The following NRG4 variants were observed in gnomAD, a reference collection of about 807,000 sequenced individuals.
NRG4 encodes the protein pro-neuregulin-4, membrane-bound isoform.
In NRG4, 10 loss-of-function variants were observed where a neutral mutation model predicts 15.0. The ratio of observed to expected loss-of-function variants is 0.67; its 90% confidence interval spans 0.41 to 1.13. The LOEUF is 1.13. Among genes scored for constraint, NRG4 ranks in the 50% most tolerant of loss-of-function variants. The probability of loss-of-function intolerance (pLI) is 0.00; values close to 1 mark genes in which losing one functional copy is unlikely to be tolerated. For synonymous variants in NRG4, 41 were observed against 50.1 expected (o/e 0.82, Z 0.77); for missense variants, 139 against 140.2 (o/e 0.99, Z 0.04).
intron 3 of NRG4, among the ~76,000 whole-genome samples, chr15:75,970,939 A>C (rs1172102071): frequency 6.6e-6 from 1 of 152,252 alleles, no homozygotes; most frequent in African/African-American, 2.4e-5. Flanking sequence ...TGAAGCAGAC[A>C]ATAGAAAAAG....
chr15:75,937,325 C>T (rs2030446962), downstream of NRG4: 2 of 144,816 alleles, frequency 1.4e-5, no homozygotes, highest in African/African-American at 5.1e-5. Context: ...CTGGCTAACA[C>T]AGTGAAACCC....
chr15:75,935,710 G>T (rs865856311), downstream of NRG4: 2 of 151,592 alleles, frequency 1.3e-5, no homozygotes, highest in Non-Finnish European at 1.5e-5. Flanking sequence ...AGCAAAAGAC[G>T]TGCAACTGGT....
intron 5 of NRG4, among the ~76,000 whole-genome samples, chr15:76,023,471 A>G (rs2035221482): frequency 6.6e-6 from 1 of 152,168 alleles, no homozygotes; most frequent in Non-Finnish European, 1.5e-5. Context: ...AGTCCTTACT[A>G]CAGGTGAATC....
At chr15:76,050,696 G>A (rs2035983128) in intron 4 of NRG4, among the ~76,000 whole-genome samples, 1 of 142,690 alleles carries the variant, frequency 7.0e-6, no homozygotes. Flanking sequence ...TGCCCGCCTT[G>A]GCCTCCCAAA....
chr15:75,979,258 GT>G (rs1202763365), intron 3 of NRG4, among the ~76,000 whole-genome samples: 1 of 151,958 alleles, frequency 6.6e-6, no homozygotes, highest in African/African-American at 2.4e-5. Context: ...ATAGTTTCAG[GT>G]TTTATATTTA....
At chr15:76,004,935 C>G (rs1312557457) in intron 3 of NRG4, among the ~76,000 whole-genome samples, 1 of 152,122 alleles carries the variant, frequency 6.6e-6, no homozygotes, top group Non-Finnish European at 1.5e-5. Flanking sequence ...TTTTGACTCC[C>G]TCAAAACTTA....
chr15:75,951,166 T>TTC (rs1377530548), intron 5 of NRG4: 4 of 128,264 alleles, frequency 3.1e-5, no homozygotes, highest in South Asian at 3.0e-4. Context: ...CTTTTTTCTT[T>TTC]TTTTTTTTTT....
chr15:76,018,846 C>T (rs1453250444), intron 5 of NRG4, among the ~76,000 whole-genome samples: 2 of 152,186 alleles, frequency 1.3e-5, no homozygotes, highest in South Asian at 4.1e-4. Flanking sequence ...CTTAGCAGAG[C>T]TCGGATGCTG....
At chr15:75,991,650 T>A (rs1364529942) in intron 3 of NRG4, among the ~76,000 whole-genome samples, 1 of 151,806 alleles carries the variant, frequency 6.6e-6, no homozygotes, top group Admixed American at 6.6e-5. Flanking sequence ...TTTGGTCTAA[T>A]TGGTCTATGA....
intron 3 of NRG4, among the ~76,000 whole-genome samples, chr15:75,976,806 G>A (rs2033385218): frequency 6.6e-6 from 1 of 152,168 alleles, no homozygotes; most frequent in African/African-American, 2.4e-5. Flanking sequence ...AGGCATGGGG[G>A]TCAGGGACCC....
At chr15:76,028,627 T>TG (rs2035380088) in intron 5 of NRG4, among the ~76,000 whole-genome samples, 1 of 150,356 alleles carries the variant, frequency 6.7e-6, no homozygotes, top group Non-Finnish European at 1.5e-5. Context: ...CAGCTGGGTG[T>TG]GGTGGCTCAC....
intron 5 of NRG4, among the ~76,000 whole-genome samples, 182 bp from the exon 6 acceptor site, chr15:75,943,836 C>T (rs2031249621): frequency 6.6e-6 from 1 of 152,096 alleles, no homozygotes; most frequent in African/African-American, 2.4e-5. Context: ...GACAAGACTC[C>T]TCAGAACACT....
chr15:75,974,098 G>T (rs1292691503), intron 3 of NRG4, among the ~76,000 whole-genome samples: 3 of 152,124 alleles, frequency 2.0e-5, no homozygotes, highest in African/African-American at 7.2e-5. Context: ...AGTGTTGGGA[G>T]GGGGTATGTG....
At chr15:75,950,540 C>T (rs1007288331) in intron 5 of NRG4, 3 of 240,190 alleles carry the variant, frequency 1.2e-5, no homozygotes, top group Non-Finnish European at 2.8e-5. Flanking sequence ...TCCAGGTCAT[C>T]CATTTACTGG....
intron 2 of NRG4, among the ~76,000 whole-genome samples, chr15:76,054,668 T>G (rs1039841423): frequency 3.9e-5 from 6 of 152,200 alleles, no homozygotes; most frequent in African/African-American, 1.4e-4. Flanking sequence ...GGATCATTTT[T>G]TTATTACCTC....
chr15:75,941,958 A>AC lies in NRG4; in HGVS notation c.*1679_*1680insG, dbSNP rs2031022484. The AC allele has an allele frequency of 3.8e-5, 5 of 130,788 alleles. No individual in the cohort carries two copies. The highest frequency in any genetic ancestry group is 8.0e-5 in the Non-Finnish European group (5 of 62,326). 8.1% of individuals were successfully genotyped at this position (130,788 alleles called of 1,614,324 possible). On this transcript the variant is annotated 3_prime_UTR_variant, in exon 6 of 6. Coordinates refer to ENST00000394907, the MANE Select transcript of NRG4 (RefSeq NM_138573.4). ...AAACCACCAAAAAAAAAAAAAAAAA[A>AC]AAATATGGCCTAGCTTTTTTTTTTT...
chr15:76,008,377 T>C (rs2034686047), intron 3 of NRG4, among the ~76,000 whole-genome samples: 1 of 152,330 alleles, frequency 6.6e-6, no homozygotes, highest in East Asian at 1.9e-4. Context: ...ACTTTTCCTA[T>C]GGATTTTACT....
At chr15:76,007,427 C>CTTT (rs61259541) in intron 3 of NRG4, among the ~76,000 whole-genome samples, 15 of 133,528 alleles carry the variant, frequency 1.1e-4, no homozygotes, top group East Asian at 2.1e-4. Flanking sequence ...ATTAAACGCA[C>CTTT]TTTTTTTTTT....
intron 3 of NRG4, chr15:76,052,923 C>A (rs2036055385): frequency 6.6e-6 from 1 of 150,966 alleles, no homozygotes; most frequent in Non-Finnish European, 1.5e-5. Flanking sequence ...TACAAAACAT[C>A]AAAAATGTAT....
Sources: allele counts gnomAD v4.1 joint callset (sites outside exome capture counted in the v4.1 genomes callset), GRCh38; gene constraint gnomAD v4.1.1; transcripts MANE v1.5; gene names NCBI Gene and HGNC (gene_info 2026-07-23, HGNC 2026-07-21).